KCNMB2: variants seen among roughly 807,000 people sequenced by gnomAD.
KCNMB2 encodes the protein potassium calcium-activated channel subfamily M regulatory beta subunit 2, also known as calcium-activated potassium channel subunit beta-2.
A neutral mutation model predicts 24.5 loss-of-function variants in KCNMB2; 9 were observed. That is an observed-to-expected ratio of 0.37 (90% CI 0.22 to 0.64). KCNMB2 has a LOEUF of 0.64. Ranked by LOEUF, KCNMB2 falls within the 30% of genes least tolerant of loss-of-function variation. The probability of loss-of-function intolerance (pLI) is 0.63; values close to 1 mark genes in which losing one functional copy is unlikely to be tolerated. For synonymous variants in KCNMB2, 109 were observed against 104.4 expected (o/e 1.04, Z -0.27); for missense variants, 226 against 284.3 (o/e 0.79, Z 1.47).
chr3:178,736,394 C>T (rs925733147), intron 1 of KCNMB2, among the ~76,000 whole-genome samples: 1 of 152,182 alleles, frequency 6.6e-6, no homozygotes, highest in African/African-American at 2.4e-5. Context: ...TTTTGCTAGA[C>T]TGAGACTCCT....
At chr3:178,562,502 ACTT>A (rs1489401965) in intron 1 of KCNMB2, among the ~76,000 whole-genome samples, 3 of 152,202 alleles carry the variant, frequency 2.0e-5, no homozygotes, top group Admixed American at 1.3e-4. Context: ...AAGAAAAGAA[ACTT>A]GGAGGGAAAT....
intron 1 of KCNMB2, among the ~76,000 whole-genome samples, chr3:178,731,950 T>C (rs1470100486): frequency 6.6e-6 from 1 of 152,078 alleles, no homozygotes; most frequent in African/African-American, 2.4e-5. Flanking sequence ...TAACTACGAA[T>C]ATACAGGAAG....
intron 1 of KCNMB2, among the ~76,000 whole-genome samples, chr3:178,643,815 C>T (rs989347979): frequency 6.6e-6 from 1 of 152,182 alleles, no homozygotes; most frequent in South Asian, 2.1e-4. Context: ...ATCTACATTG[C>T]CTGTTGTGAT....
chr3:178,576,641 C>T (rs927475848), intron 1 of KCNMB2, among the ~76,000 whole-genome samples: 1 of 152,162 alleles, frequency 6.6e-6, no homozygotes, highest in East Asian at 1.9e-4. Context: ...ACCTGGGAGG[C>T]TCAAGCTTGG....
intron 1 of KCNMB2, among the ~76,000 whole-genome samples, chr3:178,628,415 TC>T (rs1253263386): frequency 1.3e-5 from 2 of 152,184 alleles, no homozygotes; most frequent in African/African-American, 4.8e-5. Flanking sequence ...TCATTTTACT[TC>T]CTATAACACA....
chr3:178,788,489 A>G (rs4078054), intron 1 of KCNMB2, among the ~76,000 whole-genome samples: 22,277 of 152,174 alleles, frequency 0.15, 1,774 homozygotes, highest in Middle Eastern at 0.24. Flanking sequence ...TTTCCCCCAA[A>G]TGGAAAAAAC....
chr3:178,583,211 T>C (rs537823834), intron 1 of KCNMB2, among the ~76,000 whole-genome samples: 2 of 152,138 alleles, frequency 1.3e-5, no homozygotes, highest in South Asian at 2.1e-4. Context: ...GTTTCAGAAA[T>C]AAAAAAGTTA....
At chr3:178,792,886 T>G (rs1019076045) in intron 1 of KCNMB2, among the ~76,000 whole-genome samples, 1 of 152,242 alleles carries the variant, frequency 6.6e-6, no homozygotes, top group South Asian at 2.1e-4. Flanking sequence ...AGTGCCTGCA[T>G]TGGGTGTCAC....
chr3:178,624,612 T>A (rs1424154857), intron 1 of KCNMB2, among the ~76,000 whole-genome samples: 1 of 150,158 alleles, frequency 6.7e-6, no homozygotes, highest in African/African-American at 2.5e-5. Flanking sequence ...TTTTTTTTTT[T>A]TAAAAAAGGC....
chr3:178,584,258 A>G (rs1717338318), intron 1 of KCNMB2, among the ~76,000 whole-genome samples: 1 of 152,232 alleles, frequency 6.6e-6, no homozygotes, highest in South Asian at 2.1e-4. Context: ...CCTGAACGAG[A>G]ATGAGAAACT....
At chr3:178,823,022 T>C (rs1714691894) in intron 2 of KCNMB2, among the ~76,000 whole-genome samples, 1 of 152,242 alleles carries the variant, frequency 6.6e-6, no homozygotes, top group East Asian at 1.9e-4. Context: ...CAGCAGATTA[T>C]TATTTTACAG....
chr3:178,615,570 G>A (rs1718674924), intron 1 of KCNMB2, among the ~76,000 whole-genome samples: 1 of 152,190 alleles, frequency 6.6e-6, no homozygotes, highest in African/African-American at 2.4e-5. Flanking sequence ...AGGCCACAAG[G>A]AGAACTGCCA....
chr3:178,748,432 G>C (rs754419324), intron 1 of KCNMB2: 7 of 152,078 alleles, frequency 4.6e-5, no homozygotes, highest in Non-Finnish European at 1.0e-4. Flanking sequence ...AGCTCACATA[G>C]TCAGATGCCA....
At chr3:178,541,432 C>A (rs1296202570) in intron 1 of KCNMB2, among the ~76,000 whole-genome samples, 1 of 152,146 alleles carries the variant, frequency 6.6e-6, no homozygotes, top group Admixed American at 6.5e-5. Flanking sequence ...GTACAAGCCC[C>A]AGTAGCCTGT....
At chr3:178,816,320 A>G (rs1333061582) in intron 2 of KCNMB2, among the ~76,000 whole-genome samples, 1 of 151,876 alleles carries the variant, frequency 6.6e-6, no homozygotes, top group African/African-American at 2.4e-5. Context: ...TTTCCAATCC[A>G]TACCTTATCT....
intron 1 of KCNMB2, among the ~76,000 whole-genome samples, chr3:178,611,383 A>G (rs1341954371): frequency 6.6e-6 from 1 of 151,994 alleles, no homozygotes; most frequent in Non-Finnish European, 1.5e-5. Flanking sequence ...GTCCGGCTAA[A>G]GGTTGGTCAA....
At chr3:178,636,979 T>C (rs1366153495) in intron 1 of KCNMB2, among the ~76,000 whole-genome samples, 1 of 152,204 alleles carries the variant, frequency 6.6e-6, no homozygotes, top group Non-Finnish European at 1.5e-5. Context: ...TGCATTAGTT[T>C]GTTAAGGAAA....
At chr3:178,754,505 C>G (rs1331653936) in intron 1 of KCNMB2, among the ~76,000 whole-genome samples, 1 of 152,006 alleles carries the variant, frequency 6.6e-6, no homozygotes, top group Non-Finnish European at 1.5e-5. Flanking sequence ...AAGAAAGATG[C>G]TATTAAAATG....
chr3:178,757,999 C>A (rs1724222102), intron 1 of KCNMB2, among the ~76,000 whole-genome samples: 3 of 49,070 alleles, frequency 6.1e-5, no homozygotes, highest in South Asian at 5.5e-4. Context: ...ATATATATAT[C>A]TAGATATATA....
Sources: gnomAD v4.1 joint callset for allele counts (sites outside exome capture counted in the v4.1 genomes callset) on GRCh38, gnomAD v4.1.1 for gene constraint, MANE v1.5 for transcripts, NCBI Gene and HGNC (gene_info 2026-07-23, HGNC 2026-07-21) for gene names.